The following NT5C3A variants were observed in gnomAD, a reference collection of about 807,000 sequenced individuals.
The protein encoded by NT5C3A is cytosolic 5'-nucleotidase 3A.
NT5C3A carries 23 observed loss-of-function variants against 40.0 expected under a neutral mutation model. The observed-to-expected ratio is 0.58, with a 90% CI of 0.41 to 0.81. The LOEUF is 0.81. Among genes scored for constraint, NT5C3A ranks in the 40% least tolerant of loss-of-function variants. The pLI, the probability that NT5C3A is intolerant of heterozygous loss-of-function variation, is 0.00. For synonymous variants in NT5C3A, 130 were observed against 141.4 expected, an observed-to-expected ratio of 0.92 and a Z score of 0.57; for missense variants, 328 against 403.0, an observed-to-expected ratio of 0.81 and a Z score of 1.59.
At chr7:33,047,820 G>T (rs1010050867) in intron 1 of NT5C3A, among the ~76,000 whole-genome samples, 2 of 152,060 alleles carry the variant, frequency 1.3e-5, no homozygotes, top group African/African-American at 2.4e-5. Context: ...AAATAAAATA[G>T]ATAAATTATT....
intron 1 of NT5C3A, among the ~76,000 whole-genome samples, chr7:33,043,999 C>T (rs933154496): frequency 6.6e-6 from 1 of 151,620 alleles, no homozygotes; most frequent in Admixed American, 6.6e-5. Flanking sequence ...ACTTATGTGA[C>T]TTAATGTACA....
At chr7:33,042,808 G>A (rs1365410206) in intron 1 of NT5C3A, among the ~76,000 whole-genome samples, 4 of 152,116 alleles carry the variant, frequency 2.6e-5, no homozygotes, top group African/African-American at 9.7e-5. Flanking sequence ...AACTTTAGCT[G>A]CCAGGACGTA....
chr7:33,042,948 T>C (rs1786993049), intron 1 of NT5C3A, among the ~76,000 whole-genome samples: 1 of 152,236 alleles, frequency 6.6e-6, no homozygotes, highest in Non-Finnish European at 1.5e-5. Flanking sequence ...ATACTGCTCT[T>C]AAAAATGATT....
At chr7:33,062,374 C>A (rs1787813856) in intron 1 of NT5C3A, among the ~76,000 whole-genome samples, 194 bp downstream of exon 1, 1 of 152,232 alleles carries the variant, frequency 6.6e-6, no homozygotes, top group East Asian at 1.9e-4. Flanking sequence ...GTCACCAAGC[C>A]CGCGGAGTGG....
At chr7:33,056,932 C>T (rs1015803625) in intron 1 of NT5C3A, among the ~76,000 whole-genome samples, 2 of 152,086 alleles carry the variant, frequency 1.3e-5, no homozygotes, top group African/African-American at 4.8e-5. Flanking sequence ...CTGCCTCAGC[C>T]TCCCGAGTAG....
intron 2 of NT5C3A, among the ~76,000 whole-genome samples, chr7:33,025,525 A>G (rs1785878291): frequency 6.6e-6 from 1 of 152,210 alleles, no homozygotes; most frequent in Non-Finnish European, 1.5e-5. Context: ...CATTCCTTTA[A>G]AACAGAGACA....
intron 1 of NT5C3A, among the ~76,000 whole-genome samples, chr7:33,045,011 C>T (rs960405561): frequency 5.9e-5 from 9 of 152,214 alleles, no homozygotes; most frequent in Non-Finnish European, 1.3e-4. Flanking sequence ...ATACAATCTA[C>T]ACTTGCCTAC....
chr7:33,045,238 T>C (rs1787097487), intron 1 of NT5C3A, among the ~76,000 whole-genome samples: 1 of 152,194 alleles, frequency 6.6e-6, no homozygotes, highest in African/African-American at 2.4e-5. Context: ...AATAGAAAGA[T>C]GATTTTTTTA....
intron 1 of NT5C3A, among the ~76,000 whole-genome samples, chr7:33,056,319 G>A (rs1297545050): frequency 6.6e-6 from 1 of 151,512 alleles, no homozygotes; most frequent in African/African-American, 2.4e-5. Flanking sequence ...ATATAAATTA[G>A]ATAAAAATTG....
At chr7:33,061,047 G>A (rs1043054348) in intron 1 of NT5C3A, among the ~76,000 whole-genome samples, 3 of 152,068 alleles carry the variant, frequency 2.0e-5, no homozygotes, top group Non-Finnish European at 4.4e-5. Flanking sequence ...TCCTATGATG[G>A]TATCATTGAA....
chr7:33,029,749 T>C (rs1341829737), intron 1 of NT5C3A: 2 of 1,224,296 alleles, frequency 1.6e-6, no homozygotes, highest in Admixed American at 2.3e-5. Context: ...TTTATTTTTA[T>C]AGAGATAAGG....
chr7:33,020,440 C>T (rs1295038149), intron 5 of NT5C3A, among the ~76,000 whole-genome samples: 1 of 152,162 alleles, frequency 6.6e-6, no homozygotes, highest in Non-Finnish European at 1.5e-5. Flanking sequence ...TGCCAGAAAA[C>T]TCTTAATTGC....
intron 1 of NT5C3A, among the ~76,000 whole-genome samples, chr7:33,053,414 C>G (rs1202653252): frequency 6.6e-6 from 1 of 152,104 alleles, no homozygotes; most frequent in Non-Finnish European, 1.5e-5. Flanking sequence ...TCCAGAACTC[C>G]TGACCTCAAG....
intron 6 of NT5C3A, 128 bp downstream of exon 6, chr7:33,019,507 G>A: frequency 1.4e-6 from 1 of 696,102 alleles, no homozygotes; most frequent in Non-Finnish European, 2.6e-6. Context: ...TTTGTGATAG[G>A]TGGCATATTT....
At chr7:33,025,452 A>T (rs974298002) in intron 2 of NT5C3A, among the ~76,000 whole-genome samples, 2 of 152,158 alleles carry the variant, frequency 1.3e-5, no homozygotes, top group African/African-American at 2.4e-5. Context: ...GAAATGTTTT[A>T]AAAAAGGAAT....
intron 2 of NT5C3A, 118 bp downstream of exon 2, chr7:33,026,699 G>A: frequency 2.9e-6 from 2 of 685,442 alleles, no homozygotes; most frequent in Non-Finnish European, 5.3e-6. Context: ...TCACTATGTT[G>A]CCCAGGCTGG....
intron 1 of NT5C3A, among the ~76,000 whole-genome samples, chr7:33,034,740 TAAGC>T (rs1423516569): frequency 6.6e-6 from 1 of 152,188 alleles, no homozygotes; most frequent in Non-Finnish European, 1.5e-5. Flanking sequence ...AGAGATTTAT[TAAGC>T]GTGACAAAAT....
At chr7:33,018,380 G>C (rs1382980037) in intron 6 of NT5C3A, among the ~76,000 whole-genome samples, 1 of 152,152 alleles carries the variant, frequency 6.6e-6, no homozygotes, top group Non-Finnish European at 1.5e-5. Flanking sequence ...GTTAAAGAAT[G>C]CTAATGTTGC....
At chr7:33,041,481 T>C (rs889324065) in intron 1 of NT5C3A, among the ~76,000 whole-genome samples, 3 of 152,112 alleles carry the variant, frequency 2.0e-5, no homozygotes, top group African/African-American at 7.2e-5. Flanking sequence ...ATTATGTATA[T>C]TTTACCACTA....
Sources: gnomAD v4.1 joint callset for allele counts (sites outside exome capture counted in the v4.1 genomes callset) on GRCh38, gnomAD v4.1.1 for gene constraint, MANE v1.5 for transcripts, NCBI Gene and HGNC (gene_info 2026-07-23, HGNC 2026-07-21) for gene names.